MAST4: variants seen among roughly 807,000 people sequenced by gnomAD.
The protein encoded by MAST4 is microtubule associated serine/threonine kinase family member 4.
A neutral mutation model predicts 162.7 loss-of-function variants in MAST4; 89 were observed. That is an observed-to-expected ratio of 0.55 (90% CI 0.46 to 0.65). The LOEUF (loss-of-function observed/expected upper bound fraction) is 0.65, where lower values mean the gene tolerates loss of function less well. Among genes scored for constraint, MAST4 ranks in the 30% least tolerant of loss-of-function variants. MAST4 has a pLI of 0.00. For missense variants in MAST4, 3,153 were observed against 3,374.0 expected (o/e 0.93, Z 1.62); for synonymous variants, 1,479 against 1,361.1 (o/e 1.09, Z -1.91).
rs1346244843 is a variant in MAST4, at chr5:66,695,487, T to G, written c.364-64222T>G. ...TTGTTCTTTTTGCTTAGGGTTGTCT[T>G]GGCTATATGGGCTCTTTTTTGGTTC... On this transcript the variant is annotated intron_variant, in intron 1 of 28. Transcript: ENST00000403625. Among the ~76,000 whole-genome samples, 3 of 152,212 alleles carry G rather than the reference T, an allele frequency of 2.0e-5. No individual in the cohort carries two copies. In the East Asian group the frequency reaches 5.8e-4, roughly 29 times the overall value.
At chr5:67,029,535 C>T (rs1206950941) in intron 4 of MAST4, among the ~76,000 whole-genome samples, 2 of 152,092 alleles carry the variant, frequency 1.3e-5, no homozygotes, top group African/African-American at 4.8e-5. Context: ...CTGTGTATTT[C>T]ATCTCTAAGA....
intron 2 of MAST4, among the ~76,000 whole-genome samples, chr5:66,783,836 G>C (rs1442922391): frequency 6.6e-6 from 1 of 152,142 alleles, no homozygotes. Context: ...TGTGGGGAGA[G>C]AAAGGGCATG....
rs553136862 is a variant in MAST4, at chr5:67,085,803, A to T, written c.764-4359A>T. On this transcript the variant is annotated intron_variant, in intron 5 of 28. Transcript: ENST00000403625. ...AGGAGCCAGTTTGAGACAGGTGTCT[A>T]AATGAAAGGGAGATTCCTAGCTCTC... is the stretch of plus-strand genomic sequence containing the variant. Among the ~76,000 whole-genome samples, 3 of 152,314 alleles carry T rather than the reference A, an allele frequency of 2.0e-5. No individual in the cohort carries two copies. In the East Asian group the frequency reaches 5.8e-4, roughly 29 times the overall value.
chr5:66,727,687 T>G (rs1751606932), intron 1 of MAST4, among the ~76,000 whole-genome samples: 1 of 152,138 alleles, frequency 6.6e-6, no homozygotes, highest in Admixed American at 6.6e-5. Context: ...TGTGGCTTTT[T>G]TGGAGGGAGG....
At chr5:67,014,503 T>G (rs1034298853) in intron 4 of MAST4, among the ~76,000 whole-genome samples, 5 of 152,230 alleles carry the variant, frequency 3.3e-5, no homozygotes, top group African/African-American at 7.2e-5. Context: ...ATTTGATGTC[T>G]GGGGTTACGT....
At chr5:66,807,635 C>T (rs532001671) in intron 3 of MAST4, among the ~76,000 whole-genome samples, 15 of 152,074 alleles carry the variant, frequency 9.9e-5, no homozygotes, top group Non-Finnish European at 1.3e-4. Flanking sequence ...TGATCTCTTC[C>T]CACTCATTCC....
At chr5:66,686,002 A>C (rs10070809) in intron 1 of MAST4, among the ~76,000 whole-genome samples, 4,079 of 152,138 alleles carry the variant, frequency 0.027, 198 homozygotes, top group African/African-American at 0.092. Context: ...ATCTGACAGG[A>C]GGTGGAGTTC....
At chr5:66,902,276 G>C (rs1317107221) in intron 4 of MAST4, among the ~76,000 whole-genome samples, 3 of 152,130 alleles carry the variant, frequency 2.0e-5, no homozygotes, top group South Asian at 2.1e-4. Context: ...CTTGATAAAG[G>C]CTGAAAAGCC....
intron 3 of MAST4, among the ~76,000 whole-genome samples, chr5:66,857,003 TATAAA>T (rs1759735576): frequency 6.6e-6 from 1 of 152,202 alleles, no homozygotes; most frequent in African/African-American, 2.4e-5. Flanking sequence ...AATTGGATAT[TATAAA>T]AAGAAGAAAA....
intron 4 of MAST4, among the ~76,000 whole-genome samples, chr5:66,980,780 C>T (rs1006440608): frequency 3.3e-5 from 5 of 152,160 alleles, no homozygotes; most frequent in African/African-American, 7.2e-5. Context: ...CTCTTCTCCA[C>T]CTAATTTCGA....
chr5:66,692,947 G>A (rs531051360), intron 1 of MAST4, among the ~76,000 whole-genome samples: 1 of 150,948 alleles, frequency 6.6e-6, no homozygotes, highest in South Asian at 2.1e-4. Context: ...GAAATCTATT[G>A]CTCATAAAAA....
chr5:66,971,200 C>G (rs74633524), intron 4 of MAST4, among the ~76,000 whole-genome samples: 293 of 152,296 alleles, frequency 1.9e-3, no homozygotes, highest in African/African-American at 6.7e-3. Flanking sequence ...GTTAAGAGTG[C>G]ATTCATGGGT....
At position 66,788,715 on chromosome 5, in the gene MAST4, C is replaced by T. The variant is rs200736222; in HGVS notation, c.563C>T (p.Ala188Val). The T allele has an allele frequency of 6.2e-6, 10 of 1,613,478 alleles. No homozygotes were observed. Among genetic ancestry groups the T allele is most frequent in the Non-Finnish European group, 6.8e-6 (8 of 1,179,662 alleles). The change falls in exon 3 of 29, where the codon GCC becomes GTC. Residue 188 changes from alanine (A) to valine (V), a missense_variant. This residue lies in a region of MAST4 where 327 missense variants were observed against 336.5 expected (regional missense o/e 0.97). Coordinates refer to ENST00000403625, the MANE Select transcript of MAST4 (RefSeq NM_001164664.2). The part of the protein sequence containing the change: ...PNPVAGQAWP[A>V]SAETSNLVRM... ...CCGGTGGCGGGACAGGCCTGGCCGG[C>T]CTCTGCAGAGACGTCCAACCTCGTG...
At chr5:66,704,492 CTTTTTTTTTTTTT>C (rs1172510331) in intron 1 of MAST4, among the ~76,000 whole-genome samples, 2 of 97,354 alleles carry the variant, frequency 2.1e-5, no homozygotes, top group Non-Finnish European at 3.9e-5. Flanking sequence ...GCTTGTTGTT[CTTTTTTTTTTTTT>C]TTTTTTTTTG....
chr5:66,733,404 A>G (rs1751975864), intron 1 of MAST4, among the ~76,000 whole-genome samples: 1 of 152,128 alleles, frequency 6.6e-6, no homozygotes, highest in Non-Finnish European at 1.5e-5. Flanking sequence ...AATTCCTACC[A>G]CAGAAATTCA....
rs57088072 is a variant in MAST4 at position 66,986,509 on chromosome 5, C to T, written c.675-67895C>T. On this transcript the variant is annotated intron_variant, in intron 4 of 28. Coordinates refer to ENST00000403625, the MANE Select transcript of MAST4 (RefSeq NM_001164664.2). ...TGAATTGCCACCACATTAAATAAAA[C>T]ATATCCAAAGCTCATATTGTTTCCT... 1.8e-3 allele frequency: 2,745 copies of T among 1,555,622 alleles called. 38 individuals are homozygous for T. In the African/African-American group the frequency reaches 0.031, roughly 17 times the overall value.
chr5:66,923,704 C>T (rs1302780307), intron 4 of MAST4, among the ~76,000 whole-genome samples: 1 of 152,124 alleles, frequency 6.6e-6, no homozygotes, highest in African/African-American at 2.4e-5. Flanking sequence ...AAAGATCTTG[C>T]TTTTTGGTTG....
intron 3 of MAST4, among the ~76,000 whole-genome samples, chr5:66,806,723 C>A (rs1294033119): frequency 6.6e-6 from 1 of 152,182 alleles, no homozygotes; most frequent in Non-Finnish European, 1.5e-5. Context: ...TACAACCATT[C>A]TTAACATCTT....
chr5:66,988,678 A>T (rs1749764968), intron 4 of MAST4, among the ~76,000 whole-genome samples: 1 of 152,188 alleles, frequency 6.6e-6, no homozygotes, highest in African/African-American at 2.4e-5. Context: ...CAGTGGCTCC[A>T]GGATTTATGT....
Sources: gnomAD v4.1 joint callset for allele counts (sites outside exome capture counted in the v4.1 genomes callset) on GRCh38, gnomAD v4.1.1 for gene constraint, gnomAD v4.1.1 regional missense constraint, MANE v1.5 for transcripts, NCBI Gene and HGNC (gene_info 2026-07-23, HGNC 2026-07-21) for gene names.